DPP10: variants seen among roughly 807,000 people sequenced by gnomAD.
DPP10 encodes the protein inactive dipeptidyl peptidase 10.
In DPP10, 33 loss-of-function variants were observed where a neutral mutation model predicts 120.9. The ratio of observed to expected loss-of-function variants is 0.27; its 90% CI spans 0.21 to 0.37. DPP10 has a LOEUF of 0.37. Ranked by LOEUF, DPP10 falls within the 10% of genes least tolerant of loss-of-function variation. The pLI is 1.00. For missense variants in DPP10, 816 were observed against 942.8 expected, an observed-to-expected ratio of 0.87 and a Z score of 1.76; for synonymous variants, 337 against 326.1, an observed-to-expected ratio of 1.03 and a Z score of -0.36.
chr2:115,636,340 C>T (rs1175048541), intron 5 of DPP10, among the ~76,000 whole-genome samples: 1 of 152,058 alleles, frequency 6.6e-6, no homozygotes, highest in African/African-American at 2.4e-5. Flanking sequence ...CATGAAGTTG[C>T]ATGACAGACC....
intron 1 of DPP10, among the ~76,000 whole-genome samples, chr2:114,468,665 TTAAA>T (rs1250145236): frequency 6.6e-6 from 1 of 152,068 alleles, no homozygotes; most frequent in Non-Finnish European, 1.5e-5. Context: ...ATTCTAGTAA[TTAAA>T]TAAAAGAAAA....
intron 21 of DPP10, among the ~76,000 whole-genome samples, chr2:115,830,309 A>G (rs557599777): frequency 2.2e-3 from 339 of 150,996 alleles, no homozygotes; most frequent in African/African-American, 7.6e-3. Flanking sequence ...AGTGAGCCCA[A>G]TTCCCACCAC....
intron 1 of DPP10, among the ~76,000 whole-genome samples, chr2:114,986,878 C>T (rs1700429866): frequency 6.6e-6 from 1 of 152,168 alleles, no homozygotes; most frequent in Non-Finnish European, 1.5e-5. Context: ...TCAATCGATT[C>T]TCCTGCCTCA....
intron 1 of DPP10, among the ~76,000 whole-genome samples, chr2:115,155,430 C>G (rs1573812395): frequency 6.6e-6 from 1 of 152,090 alleles, no homozygotes; most frequent in African/African-American, 2.4e-5. Context: ...AGAGGACTGC[C>G]CATTTGTCCT....
chr2:114,570,860 A>G (rs1689587139), intron 1 of DPP10, among the ~76,000 whole-genome samples: 2 of 148,092 alleles, frequency 1.4e-5, no homozygotes, highest in African/African-American at 5.1e-5. Context: ...AAAAAAAAAA[A>G]GAAAAGTAGA....
chr2:114,842,785 A>C (rs939514803), intron 1 of DPP10, among the ~76,000 whole-genome samples: 2 of 152,170 alleles, frequency 1.3e-5, no homozygotes, highest in Non-Finnish European at 2.9e-5. Context: ...GAAATGCTGA[A>C]TAAAATATCA....
At chr2:114,811,803 C>T (rs996790783) in intron 1 of DPP10, among the ~76,000 whole-genome samples, 2 of 152,172 alleles carry the variant, frequency 1.3e-5, no homozygotes, top group African/African-American at 2.4e-5. Flanking sequence ...AAACATCATC[C>T]GTGTGTTCTC....
intron 1 of DPP10, among the ~76,000 whole-genome samples, chr2:114,687,088 G>C (rs1392141424): frequency 6.6e-6 from 1 of 151,908 alleles, no homozygotes; most frequent in East Asian, 1.9e-4. Context: ...CGTAGGATAG[G>C]GTTACAGTGG....
chr2:114,871,716 G>A (rs77545985), intron 1 of DPP10, among the ~76,000 whole-genome samples: 1,896 of 152,220 alleles, frequency 0.012, 38 homozygotes, highest in African/African-American at 0.044. Context: ...TATGGATGAG[G>A]GGTCCCCAAC....
At chr2:115,563,111 A>G (rs909459241) in intron 5 of DPP10, among the ~76,000 whole-genome samples, 6 of 152,210 alleles carry the variant, frequency 3.9e-5, no homozygotes, top group Admixed American at 1.3e-4. Flanking sequence ...TGAAAACAAA[A>G]CAATCACCTC....
At chr2:115,368,103 C>T (rs989848748) in intron 3 of DPP10, among the ~76,000 whole-genome samples, 1 of 152,080 alleles carries the variant, frequency 6.6e-6, no homozygotes, top group Non-Finnish European at 1.5e-5. Context: ...GAAGGTTTAC[C>T]TGAACTCCTT....
At chr2:115,019,324 A>G (rs1573328447) in intron 1 of DPP10, among the ~76,000 whole-genome samples, 1 of 152,194 alleles carries the variant, frequency 6.6e-6, no homozygotes, top group African/African-American at 2.4e-5. Flanking sequence ...AGCATAAACA[A>G]AAAGAAATCA....
At chr2:115,341,381 C>A (rs1307379945) in intron 2 of DPP10, among the ~76,000 whole-genome samples, 1 of 152,032 alleles carries the variant, frequency 6.6e-6, no homozygotes, top group Non-Finnish European at 1.5e-5. Context: ...TGATACAGAC[C>A]ATGCATAGCT....
At chr2:115,774,927 C>T (rs577222250) in intron 13 of DPP10, among the ~76,000 whole-genome samples, 1 of 152,084 alleles carries the variant, frequency 6.6e-6, no homozygotes, top group South Asian at 2.1e-4. Flanking sequence ...GCATTGAAAG[C>T]ATTACTCAGC....
chr2:114,678,129 T>A (rs377587911), intron 1 of DPP10, among the ~76,000 whole-genome samples: 34 of 152,112 alleles, frequency 2.2e-4, no homozygotes, highest in African/African-American at 7.0e-4. Flanking sequence ...AATGGCTTAA[T>A]TACAATGAGA....
At chr2:115,615,929 T>A (rs2084459824) in intron 5 of DPP10, among the ~76,000 whole-genome samples, 1 of 152,178 alleles carries the variant, frequency 6.6e-6, no homozygotes, top group South Asian at 2.1e-4. Context: ...GTTTGAGTTG[T>A]TAAACTGACC....
At chr2:115,111,262 G>A (rs541762999) in intron 1 of DPP10, among the ~76,000 whole-genome samples, 58 of 146,928 alleles carry the variant, frequency 3.9e-4, no homozygotes, top group African/African-American at 1.1e-3. Flanking sequence ...TTTAAATTAC[G>A]TTGTATAGCT....
intron 1 of DPP10, among the ~76,000 whole-genome samples, chr2:114,929,073 G>A (rs1268923132): frequency 6.6e-6 from 1 of 152,166 alleles, no homozygotes; most frequent in Admixed American, 6.5e-5. Context: ...CCTATTGGTA[G>A]GTTCTGTGAT....
At chr2:115,711,783 A>C (rs908829732) in intron 7 of DPP10, among the ~76,000 whole-genome samples, 2 of 152,136 alleles carry the variant, frequency 1.3e-5, no homozygotes, top group African/African-American at 4.8e-5. Context: ...TGCAATTTGA[A>C]AGCTGTAAAA....
Sources: gnomAD v4.1 joint callset for allele counts (sites outside exome capture counted in the v4.1 genomes callset) on GRCh38, gnomAD v4.1.1 for gene constraint, MANE v1.5 for transcripts, NCBI Gene and HGNC (gene_info 2026-07-23, HGNC 2026-07-21) for gene names.